Variants in VPS13B observed in about 807,000 individuals in gnomAD.
VPS13B encodes the protein vacuolar protein sorting 13 homolog B.
A neutral mutation model predicts 426.4 loss-of-function variants in VPS13B; 285 were observed. The observed-to-expected ratio is 0.67, with a 90% confidence interval of 0.61 to 0.74. The LOEUF is 0.74. Among genes scored for constraint, VPS13B ranks in the 30% least tolerant of loss-of-function variants. The pLI is 0.00. For synonymous variants in VPS13B, 1,676 were observed against 1,676.4 expected (o/e 1.00, Z 0.01); for missense variants, 4,537 against 4,782.6 (o/e 0.95, Z 1.51).
At chr8:99,870,328 AT>A (rs1563519286) in intron 59 of VPS13B, among the ~76,000 whole-genome samples, 1 of 151,828 alleles carries the variant, frequency 6.6e-6, no homozygotes, top group Admixed American at 6.6e-5. Context: ...ACCACTATTT[AT>A]TTTTTGTAGA....
chr8:99,079,203 G>T (rs1446694220), intron 3 of VPS13B, among the ~76,000 whole-genome samples: 1 of 152,126 alleles, frequency 6.6e-6, no homozygotes, highest in African/African-American at 2.4e-5. Flanking sequence ...AGTAGCGGTG[G>T]GTTGGGTGTG....
At chr8:99,326,120 A>G (rs923884258) in intron 19 of VPS13B, among the ~76,000 whole-genome samples, 7 of 152,112 alleles carry the variant, frequency 4.6e-5, no homozygotes, top group African/African-American at 1.7e-4. Context: ...TATTCTGTGC[A>G]CAGAAAAACA....
intron 35 of VPS13B, among the ~76,000 whole-genome samples, chr8:99,685,841 A>G (rs1238515913): frequency 6.6e-6 from 1 of 152,120 alleles, no homozygotes; most frequent in Non-Finnish European, 1.5e-5. Flanking sequence ...TCTCTCCAGG[A>G]TTAGTCTCTG....
intron 17 of VPS13B, among the ~76,000 whole-genome samples, chr8:99,219,221 A>G (rs977416841): frequency 6.6e-6 from 1 of 152,228 alleles, no homozygotes; most frequent in South Asian, 2.1e-4. Flanking sequence ...AATAATTGCC[A>G]GAATTATGAG....
At chr8:99,546,144 C>T (rs191569468) in intron 30 of VPS13B, among the ~76,000 whole-genome samples, 19 of 151,908 alleles carry the variant, frequency 1.3e-4, no homozygotes, top group Admixed American at 9.2e-4. Flanking sequence ...TCTTCTTGAC[C>T]GATTTTATAA....
chr8:99,050,970 T>C (rs1468389757), intron 3 of VPS13B, among the ~76,000 whole-genome samples: 1 of 152,126 alleles, frequency 6.6e-6, no homozygotes, highest in East Asian at 1.9e-4. Flanking sequence ...TTTTTTCCCA[T>C]TCTGTAGGTT....
At chr8:99,488,657 G>T (rs1820430029) in intron 25 of VPS13B, among the ~76,000 whole-genome samples, 1 of 152,160 alleles carries the variant, frequency 6.6e-6, no homozygotes, top group African/African-American at 2.4e-5. Context: ...TTGAAACCCA[G>T]AGAATTAAAA....
At position 99,697,504 on chromosome 8, in the gene VPS13B, C is replaced by T; in HGVS notation, c.6047-2021C>T. The T allele has an allele frequency of 1.2e-5, 9 of 738,956 alleles. No homozygotes were observed. In the South Asian group the frequency reaches 1.3e-4, roughly 11 times the overall value. The allele number at this position is 738,956 out of a possible 1,614,324, so 45.8% of individuals were successfully genotyped here. On this transcript the variant is annotated intron_variant, in intron 35 of 61. Coordinates refer to ENST00000357162, the MANE Select transcript of VPS13B (RefSeq NM_152564.5). ...CTAAGCTGAAGGAGCAGAAGTCGCT[C>T]ACCAAAGAGAAGGAGGAGCTGGAGC...
intron 8 of VPS13B, among the ~76,000 whole-genome samples, chr8:99,122,256 C>G (rs1847987220): frequency 6.6e-6 from 1 of 151,664 alleles, no homozygotes; most frequent in South Asian, 2.1e-4. Context: ...AGGTCCTCTT[C>G]TAGCTATTTT....
At chr8:99,677,438 A>T (rs773284703) in intron 35 of VPS13B, among the ~76,000 whole-genome samples, 9 of 152,228 alleles carry the variant, frequency 5.9e-5, no homozygotes, top group Non-Finnish European at 1.3e-4. Context: ...TCTGTGATTT[A>T]TCAAAATGAA....
Position 99,697,510 on chromosome 8 carries a change from A to G in VPS13B, c.6047-2015A>G, listed in dbSNP as rs1037611503. 6.1e-5 allele frequency: 45 copies of G among 737,758 alleles called. No individual in the cohort carries two copies. The Admixed American group carries it at 8.5e-4, about 14-fold the overall frequency. 45.7% of individuals were successfully genotyped at this position (737,758 alleles called of 1,614,324 possible). A position where few individuals can be genotyped will look rare whatever the true frequency, so the allele number is the denominator to read the frequency against. ...TGAAGGAGCAGAAGTCGCTCACCAA[A>G]GAGAAGGAGGAGCTGGAGCTGCTGA... On this transcript the variant is annotated intron_variant, in intron 35 of 61. Coordinates refer to ENST00000357162, the MANE Select transcript of VPS13B (RefSeq NM_152564.5).
At chr8:99,796,742 G>C (rs1812844130) in intron 43 of VPS13B, 1 of 152,276 alleles carries the variant, frequency 6.6e-6, no homozygotes, top group African/African-American at 2.4e-5. Flanking sequence ...GTCATTCAGG[G>C]CTGGGTGGTC....
intron 4 of VPS13B, among the ~76,000 whole-genome samples, chr8:99,096,767 A>T (rs1846446794): frequency 6.6e-6 from 1 of 152,048 alleles, no homozygotes; most frequent in Admixed American, 6.6e-5. Flanking sequence ...AAAAAAAAAA[A>T]AAAAAATTGA....
At chr8:99,457,979 A>T (rs951678908) in intron 23 of VPS13B, among the ~76,000 whole-genome samples, 21 of 152,004 alleles carry the variant, frequency 1.4e-4, no homozygotes, top group Non-Finnish European at 2.4e-4. Context: ...GGTTTGTTAC[A>T]TATGTATACA....
At chr8:99,710,060 A>T (rs1415863468) in intron 36 of VPS13B, among the ~76,000 whole-genome samples, 2 of 152,200 alleles carry the variant, frequency 1.3e-5, no homozygotes, top group African/African-American at 4.8e-5. Context: ...TTTATATCGT[A>T]AACTTTTGAA....
At chr8:99,125,278 TG>T (rs1211380023) in intron 8 of VPS13B, among the ~76,000 whole-genome samples, 1 of 152,120 alleles carries the variant, frequency 6.6e-6, no homozygotes, top group African/African-American at 2.4e-5. Context: ...CTGAAGAACT[TG>T]GAGTCTGATG....
rs1833111990 is a variant in VPS13B at position 99,721,111 on chromosome 8, A to G, written c.7050+64A>G. On this transcript the variant is annotated intron_variant, in intron 39 of 61. Transcript: ENST00000357162. ...GGGAAAGGGCTGATCATATATTAGG[A>G]AAAATGTTTGGAACATACTTACTTC... The G allele has an allele frequency of 6.7e-5, 103 of 1,546,258 alleles. 1 individual carries two copies. The South Asian group carries it at 1.1e-3, about 17-fold the overall frequency.
intron 3 of VPS13B, among the ~76,000 whole-genome samples, chr8:99,068,428 C>T (rs560266749): frequency 6.6e-6 from 1 of 152,290 alleles, no homozygotes; most frequent in South Asian, 2.1e-4. Context: ...AACTATGCCC[C>T]ATGGGCTCAC....
At chr8:99,516,786 T>TAAAAAAA (rs1822096037) in intron 29 of VPS13B, among the ~76,000 whole-genome samples, 1 of 19,828 alleles carries the variant, frequency 5.0e-5, no homozygotes, top group Non-Finnish European at 9.4e-5. Flanking sequence ...AGACCGTGTC[T>TAAAAAAA]CAAAAAAAAA....
Sources: gnomAD v4.1 joint callset for allele counts (sites outside exome capture counted in the v4.1 genomes callset) on GRCh38, gnomAD v4.1.1 for gene constraint, MANE v1.5 for transcripts, NCBI Gene and HGNC (gene_info 2026-07-23, HGNC 2026-07-21) for gene names.